The following CACNA1B variants were observed in gnomAD, a reference collection of about 807,000 sequenced individuals.
CACNA1B encodes voltage-dependent N-type calcium channel subunit alpha-1B.
Under a neutral mutation model 247.2 loss-of-function variants are expected in CACNA1B, and 70 were observed. That is an observed-to-expected ratio of 0.28 (90% CI 0.23 to 0.35). CACNA1B has a LOEUF of 0.35. Ranked by LOEUF, CACNA1B falls within the 10% of genes least tolerant of loss-of-function variation. The probability of loss-of-function intolerance (pLI) is 1.00; values close to 1 mark genes in which losing one functional copy is unlikely to be tolerated. For synonymous variants in CACNA1B, 1,231 were observed against 1,294.4 expected (o/e 0.95, Z 1.05); for missense variants, 2,367 against 3,197.4 (o/e 0.74, Z 6.26).
intron 3 of CACNA1B, among the ~76,000 whole-genome samples, chr9:137,895,101 G>C (rs1367904829): frequency 1.1e-4 from 17 of 152,110 alleles, no homozygotes; most frequent in Non-Finnish European, 5.9e-5. Flanking sequence ...TTGTTGAAAG[G>C]GCTGCATTTC....
At chr9:137,963,414 T>C (rs1240012500) in intron 10 of CACNA1B, among the ~76,000 whole-genome samples, 1 of 152,162 alleles carries the variant, frequency 6.6e-6, no homozygotes, top group Non-Finnish European at 1.5e-5. Flanking sequence ...TATTATTTTT[T>C]GAGACAGTCT....
intron 15 of CACNA1B, among the ~76,000 whole-genome samples, chr9:137,988,750 AG>A (rs1314290433): frequency 6.6e-6 from 1 of 152,136 alleles, no homozygotes; most frequent in Non-Finnish European, 1.5e-5. Context: ...AGAAGTGTGC[AG>A]GTGTGGCTCA....
At chr9:138,117,613 G>A (rs966708993) in intron 42 of CACNA1B, among the ~76,000 whole-genome samples, 1 of 152,220 alleles carries the variant, frequency 6.6e-6, no homozygotes, top group African/African-American at 2.4e-5. Flanking sequence ...GTCCAGAGGA[G>A]CGGGTGACGG....
chr9:137,901,181 C>T (rs1957235278), intron 3 of CACNA1B, among the ~76,000 whole-genome samples: 2 of 142,284 alleles, frequency 1.4e-5, no homozygotes, highest in South Asian at 4.5e-4. Flanking sequence ...TCTCTGTGTC[C>T]CTGTGTCAGT....
At chr9:137,906,208 A>C (rs969388229) in intron 3 of CACNA1B, among the ~76,000 whole-genome samples, 2 of 152,238 alleles carry the variant, frequency 1.3e-5, no homozygotes, top group African/African-American at 4.8e-5. Flanking sequence ...AGAGGATTAT[A>C]GCAACTCCTC....
rs1961275196 is a variant in CACNA1B, at chr9:138,102,180, CA to C, written c.5223-530del. ...CCCTGTTTAGTTTTCTGGTTTGTTT[CA>C]GATCTTCTCCACCTTTTTAGCCTCT... On this transcript the variant is annotated intron_variant, in intron 37 of 46. Coordinates refer to ENST00000371372, the MANE Select transcript of CACNA1B (RefSeq NM_000718.4). This position sits in a 1 kb window ranked among gnomAD's most constrained non-coding sequence, Gnocchi z 5.4. Among the ~76,000 whole-genome samples, 1 of 152,160 alleles carries C rather than the reference CA, an allele frequency of 6.6e-6. No individual in the cohort carries two copies. The highest frequency in any genetic ancestry group is 2.1e-4 in the South Asian group (1 of 4,830).
chr9:138,096,902 T>C (rs1361598772), intron 37 of CACNA1B, among the ~76,000 whole-genome samples: 1 of 150,534 alleles, frequency 6.6e-6, no homozygotes, highest in Non-Finnish European at 1.5e-5. Flanking sequence ...CATGGAAGGT[T>C]TTCAAGGGGC....
intron 6 of CACNA1B, among the ~76,000 whole-genome samples, chr9:137,923,038 G>A (rs542789628): frequency 1.3e-5 from 2 of 152,370 alleles, no homozygotes; most frequent in African/African-American, 4.8e-5. Context: ...CACACCAAAT[G>A]TAACCTTTTG....
At chr9:137,898,674 TA>T (rs779051106) in intron 3 of CACNA1B, among the ~76,000 whole-genome samples, 6 of 151,432 alleles carry the variant, frequency 4.0e-5, no homozygotes, top group South Asian at 2.1e-4. Context: ...CCTGAATACT[TA>T]AAAAAAATTT....
rs973278087 is a variant in CACNA1B, at chr9:138,050,508, G to A, written c.3710+1193G>A. Among the ~76,000 whole-genome samples the A allele has an allele frequency of 6.6e-6, 1 of 152,220 alleles. No homozygotes were observed. The highest frequency in any genetic ancestry group is 6.5e-5 in the Admixed American group (1 of 15,288). ...TGTTTCCTCTCCACTCCAGCCCCCT[G>A]CAGTTCCCACTATTTCCTCTTTCTG... On this transcript the variant is annotated intron_variant, in intron 24 of 46. Transcript: ENST00000371372. The surrounding 1 kb of genome is among the most constrained non-coding windows in gnomAD (Gnocchi z 5.2).
Position 138,122,091 on chromosome 9 carries a change from G to T in CACNA1B, c.*92G>T. 8.1e-7 allele frequency: 1 copy of T among 1,241,160 alleles called. No individual in the cohort carries two copies. Among genetic ancestry groups the T allele is most frequent in the Non-Finnish European group, 1.1e-6 (1 of 912,302 alleles). The allele number at this position is 1,241,160 out of a possible 1,614,324, so 76.9% of individuals were successfully genotyped here. Reference sequence around the variant, plus strand: ...CCACACGGGGCAGCCGGCCCTCGGGGGAGGCCTTGCCCACCTTGGTGAGGC... The same window carrying T: ...CCACACGGGGCAGCCGGCCCTCGGGTGAGGCCTTGCCCACCTTGGTGAGGC... On this transcript the variant is annotated 3_prime_UTR_variant, in exon 47 of 47. Transcript: ENST00000371372.
At chr9:138,066,973 T>C (rs890913806) in intron 31 of CACNA1B, among the ~76,000 whole-genome samples, 2 of 152,148 alleles carry the variant, frequency 1.3e-5, no homozygotes, top group African/African-American at 2.4e-5. Flanking sequence ...TTGACACACT[T>C]CTGGCAAGAT....
rs1052709563 is a variant in CACNA1B, at chr9:138,072,410, C to T, written c.4675-1078C>T. Among the ~76,000 whole-genome samples the T allele has an allele frequency of 6.6e-6, 1 of 152,262 alleles. No homozygotes were observed. The highest frequency in any genetic ancestry group is 1.5e-5 in the Non-Finnish European group (1 of 68,052). On this transcript the variant is annotated intron_variant, in intron 32 of 46. Coordinates refer to ENST00000371372, the MANE Select transcript of CACNA1B (RefSeq NM_000718.4). The surrounding 1 kb of genome is among the most constrained non-coding windows in gnomAD (Gnocchi z 4.5). The stretch of plus-strand genomic sequence containing the variant: ...AGCCCTGGAGAGTCGGGATGCTCTG[C>T]CAGGCCCTCACCGCCTCTGCGCCTG...
chr9:137,943,050 C>CTTT (rs58509237), intron 6 of CACNA1B, among the ~76,000 whole-genome samples: 14 of 136,112 alleles, frequency 1.0e-4, no homozygotes, highest in African/African-American at 3.0e-4. Flanking sequence ...GAGTTTCAAA[C>CTTT]TTTTTTTTTT....
chr9:137,920,015 C>T (rs181021282), intron 6 of CACNA1B, among the ~76,000 whole-genome samples: 2 of 152,080 alleles, frequency 1.3e-5, no homozygotes, highest in African/African-American at 2.4e-5. Flanking sequence ...CAGCACCGCA[C>T]GAGGAATAAC....
Position 138,057,913 on chromosome 9 carries a change from T to G in CACNA1B, c.4106+44T>G. ...CTCCGTAGCTGGGGCAGGCAGCCCC[T>G]GAGCTCGGCCTCCCTTCCTCCCTCT... On this transcript the variant is annotated intron_variant, in intron 27 of 46. Coordinates refer to ENST00000371372, the MANE Select transcript of CACNA1B (RefSeq NM_000718.4). This position sits in a 1 kb window ranked among gnomAD's most constrained non-coding sequence, Gnocchi z 4.0. The G allele has an allele frequency of 6.3e-7, 1 of 1,589,410 alleles. No individual in the cohort carries two copies. The highest frequency in any genetic ancestry group is 1.7e-5 in the Admixed American group (1 of 58,540).
intron 42 of CACNA1B, 48 bp from the exon 43 acceptor site, chr9:138,117,898 C>T (rs200319737): frequency 3.4e-6 from 5 of 1,482,160 alleles, no homozygotes; most frequent in Non-Finnish European, 4.5e-6. Context: ...TGGTAAGGCA[C>T]CTGCAGTCTC....
At chr9:138,048,552 C>T (rs1029518530) in intron 23 of CACNA1B, among the ~76,000 whole-genome samples, 5 of 152,222 alleles carry the variant, frequency 3.3e-5, no homozygotes, top group Admixed American at 2.6e-4. Context: ...TGTCTCCCTA[C>T]TCTGACAGGG....
chr9:137,997,005 A>T (rs1958508672), intron 15 of CACNA1B, among the ~76,000 whole-genome samples: 1 of 152,250 alleles, frequency 6.6e-6, no homozygotes, highest in Non-Finnish European at 1.5e-5. Context: ...TTTCCTAGAA[A>T]TGCAAGATAA....
Sources: gnomAD v4.1 joint callset for allele counts (sites outside exome capture counted in the v4.1 genomes callset) on GRCh38, gnomAD v4.1.1 for gene constraint, Gnocchi (gnomAD v3.1) non-coding constraint, MANE v1.5 for transcripts, NCBI Gene and HGNC (gene_info 2026-07-23, HGNC 2026-07-21) for gene names.